The following CNTNAP5 variants were observed in gnomAD, a reference collection of about 807,000 sequenced individuals.
The protein encoded by CNTNAP5 is contactin-associated protein-like 5.
In CNTNAP5, 72 loss-of-function variants were observed where a neutral mutation model predicts 150.2. The observed-to-expected ratio is 0.48, with a 90% CI of 0.40 to 0.58. The LOEUF (loss-of-function observed/expected upper bound fraction) is 0.58. Ranked by LOEUF, CNTNAP5 falls within the 20% of genes least tolerant of loss-of-function variation. The probability of loss-of-function intolerance (pLI) is 0.00; values close to 1 mark genes in which losing one functional copy is unlikely to be tolerated. For missense variants in CNTNAP5, 1,636 were observed against 1,626.2 expected (o/e 1.01, Z -0.10); for synonymous variants, 672 against 619.8 (o/e 1.08, Z -1.25).
intron 3 of CNTNAP5, among the ~76,000 whole-genome samples, chr2:124,303,530 C>T (rs554262781): frequency 6.6e-6 from 1 of 152,198 alleles, no homozygotes; most frequent in South Asian, 2.1e-4. Flanking sequence ...TAGAATCAAA[C>T]AGTTGTCAAA....
chr2:124,741,553 G>A (rs1017765712), intron 13 of CNTNAP5, among the ~76,000 whole-genome samples: 5 of 151,934 alleles, frequency 3.3e-5, no homozygotes, highest in Non-Finnish European at 7.4e-5. Context: ...AACTAATCAT[G>A]TACAAATTAG....
chr2:124,563,153 TGC>T, intron 10 of CNTNAP5, 62 bp from the exon 11 acceptor site: 9 of 1,019,428 alleles, frequency 8.8e-6, no homozygotes, highest in Admixed American at 8.1e-5. Context: ...GAGACATTTT[TGC>T]TTTCCCCTTT....
intron 12 of CNTNAP5, among the ~76,000 whole-genome samples, chr2:124,643,530 C>T (rs1416837896): frequency 6.6e-6 from 1 of 152,104 alleles, no homozygotes; most frequent in East Asian, 1.9e-4. Context: ...TTAGTATATA[C>T]AGGAGCAGCT....
intron 1 of CNTNAP5, among the ~76,000 whole-genome samples, chr2:124,201,249 C>T (rs563622193): frequency 2.4e-4 from 37 of 152,288 alleles, no homozygotes; most frequent in Non-Finnish European, 4.1e-4. Flanking sequence ...ACATGCACTA[C>T]TTTTAAACCT....
rs546792831 is a variant in CNTNAP5, at chr2:124,580,096, C to T, written c.1756+16773C>T. Among the ~76,000 whole-genome samples the T allele has an allele frequency of 1.4e-4, 22 of 152,266 alleles. 1 individual carries two copies. In the South Asian group the frequency reaches 4.6e-3, roughly 32 times the overall value. Reference sequence around the variant, plus strand: ...ACAGAAAATAACCTGAAATCCTGTCCCCACCTTACAAAACTCACTATTCTG... The same window carrying T: ...ACAGAAAATAACCTGAAATCCTGTCTCCACCTTACAAAACTCACTATTCTG... On this transcript the variant is annotated intron_variant, in intron 11 of 23. Transcript: ENST00000682447.
intron 7 of CNTNAP5, among the ~76,000 whole-genome samples, chr2:124,501,631 G>A (rs141791885): frequency 2.6e-5 from 4 of 152,288 alleles, no homozygotes; most frequent in African/African-American, 7.2e-5. Context: ...TTCAAAAGTA[G>A]CATTTTTACA....
chr2:124,858,276 C>A (rs1053128720), intron 19 of CNTNAP5, among the ~76,000 whole-genome samples: 25 of 152,320 alleles, frequency 1.6e-4, no homozygotes, highest in Non-Finnish European at 2.1e-4. Context: ...TACCTGTTTG[C>A]AGATGGCATG....
At chr2:124,405,399 C>T (rs79098733) in intron 3 of CNTNAP5, among the ~76,000 whole-genome samples, 7,530 of 152,140 alleles carry the variant, frequency 0.049, 252 homozygotes, top group South Asian at 0.12. Context: ...CCCTTGAAAA[C>T]GGTAGCTATG....
At chr2:124,853,666 T>C (rs1677282180) in intron 19 of CNTNAP5, among the ~76,000 whole-genome samples, 1 of 152,164 alleles carries the variant, frequency 6.6e-6, no homozygotes, top group Non-Finnish European at 1.5e-5. Flanking sequence ...TTTTTTAACT[T>C]TTATTTTAGA....
At chr2:124,340,903 C>CAT (rs1226075294) in intron 3 of CNTNAP5, among the ~76,000 whole-genome samples, 2 of 142,592 alleles carry the variant, frequency 1.4e-5, no homozygotes, top group African/African-American at 2.5e-5. Flanking sequence ...TATATATAGA[C>CAT]ACACACACAT....
intron 11 of CNTNAP5, among the ~76,000 whole-genome samples, chr2:124,568,916 C>T (rs942900229): frequency 6.6e-6 from 1 of 152,146 alleles, no homozygotes; most frequent in African/African-American, 2.4e-5. Flanking sequence ...GGCGTGGCGG[C>T]GGACGCCTGT....
At chr2:124,106,857 G>A (rs1386950335) in intron 1 of CNTNAP5, among the ~76,000 whole-genome samples, 1 of 152,100 alleles carries the variant, frequency 6.6e-6, no homozygotes, top group Non-Finnish European at 1.5e-5. Flanking sequence ...TAACCTGTGG[G>A]ATCTGACACT....
At chr2:124,630,403 G>A (rs557724674) in intron 12 of CNTNAP5, among the ~76,000 whole-genome samples, 11 of 152,286 alleles carry the variant, frequency 7.2e-5, no homozygotes, top group African/African-American at 2.2e-4. Context: ...TCCCTGGCAT[G>A]CAAGGCTTGT....
intron 13 of CNTNAP5, among the ~76,000 whole-genome samples, chr2:124,707,645 G>A (rs193299959): frequency 2.4e-4 from 37 of 152,232 alleles, no homozygotes; most frequent in Non-Finnish European, 4.7e-4. Context: ...GGATTTGAAG[G>A]TGGGAGCCTG....
At chr2:124,665,023 G>C (rs537386676) in intron 13 of CNTNAP5, among the ~76,000 whole-genome samples, 18 of 152,258 alleles carry the variant, frequency 1.2e-4, no homozygotes, top group Admixed American at 9.8e-4. Context: ...AGAAGGTGAC[G>C]AGACAGAAGT....
At chr2:124,737,926 A>G (rs898401713) in intron 13 of CNTNAP5, among the ~76,000 whole-genome samples, 2 of 152,026 alleles carry the variant, frequency 1.3e-5, no homozygotes, top group African/African-American at 4.8e-5. Flanking sequence ...CATTAAAAAA[A>G]AGCATGAATC....
intron 3 of CNTNAP5, among the ~76,000 whole-genome samples, chr2:124,378,373 T>G (rs1690705560): frequency 6.6e-6 from 1 of 152,136 alleles, no homozygotes; most frequent in Admixed American, 6.6e-5. Context: ...TCTCTCTAAC[T>G]CCCACTGGTA....
At chr2:124,439,758 T>C (rs1380575080) in intron 5 of CNTNAP5, among the ~76,000 whole-genome samples, 1 of 152,128 alleles carries the variant, frequency 6.6e-6, no homozygotes, top group Non-Finnish European at 1.5e-5. Flanking sequence ...CCCAACAAAG[T>C]TGAAAGGGGG....
chr2:124,877,313 T>C (rs1677880033), intron 21 of CNTNAP5, among the ~76,000 whole-genome samples: 1 of 152,124 alleles, frequency 6.6e-6, no homozygotes, highest in Non-Finnish European at 1.5e-5. Flanking sequence ...GCCTGCTCTG[T>C]CTATACTAGT....
Sources: allele counts gnomAD v4.1 joint callset (sites outside exome capture counted in the v4.1 genomes callset), GRCh38; gene constraint gnomAD v4.1.1; transcripts MANE v1.5; gene names NCBI Gene and HGNC (gene_info 2026-07-23, HGNC 2026-07-21).